Variants in ADRA1B observed in about 807,000 individuals in gnomAD.
ADRA1B encodes alpha-1B adrenergic receptor.
A neutral mutation model predicts 17.9 loss-of-function variants in ADRA1B; 17 were observed. That is an observed-to-expected ratio of 0.95 (90% confidence interval 0.65 to 1.42). The LOEUF (loss-of-function observed/expected upper bound fraction) is 1.42, where lower values mean the gene tolerates loss of function less well. Ranked by LOEUF, ADRA1B falls within the 40% of genes most tolerant of loss-of-function variation. The pLI is 0.00. For synonymous variants in ADRA1B, 366 were observed against 327.6 expected, an observed-to-expected ratio of 1.12 and a Z score of -1.27; for missense variants, 681 against 722.1, an observed-to-expected ratio of 0.94 and a Z score of 0.65.
intron 1 of ADRA1B, among the ~76,000 whole-genome samples, chr5:159,929,259 C>A (rs973883628): frequency 6.6e-6 from 1 of 152,060 alleles, no homozygotes; most frequent in Non-Finnish European, 1.5e-5. Flanking sequence ...AAATAAATAA[C>A]TACTATAATT....
chr5:159,900,120 C>T (rs1170412258), intron 1 of ADRA1B, among the ~76,000 whole-genome samples: 1 of 152,194 alleles, frequency 6.6e-6, no homozygotes, highest in South Asian at 2.1e-4. Context: ...GCCAGTAGTA[C>T]TGTTTCAACT....
chr5:159,883,309 G>T lies in ADRA1B; in HGVS notation c.-256+18103G>T, dbSNP rs1753883944. Among the ~76,000 whole-genome samples, 2 of 152,266 alleles carry T rather than the reference G, an allele frequency of 1.3e-5. 1 individual carries two copies. The highest frequency in any genetic ancestry group is 4.2e-4 in the South Asian group (2 of 4,816). Reference sequence around the variant, plus strand: ...TGATTCTTTTATTTGACTCACACATGTAATTTTTTTACCATGTTCCCTCTT... The same window carrying T: ...TGATTCTTTTATTTGACTCACACATTTAATTTTTTTACCATGTTCCCTCTT... On this transcript the variant is annotated intron_variant, in intron 1 of 2. Transcript: ENST00000641205.
At chr5:159,970,782 T>C (rs531810547) in intron 1 of ADRA1B, among the ~76,000 whole-genome samples, 94 of 152,326 alleles carry the variant, frequency 6.2e-4, no homozygotes, top group African/African-American at 2.2e-3. Context: ...GCCTATCAGG[T>C]ATGTCCCTTT....
intron 1 of ADRA1B, among the ~76,000 whole-genome samples, chr5:159,938,732 G>T: frequency 6.6e-6 from 1 of 152,204 alleles, no homozygotes; most frequent in East Asian, 1.9e-4. Context: ...CAACTAATAA[G>T]ACCCTAATTA....
intron 1 of ADRA1B, 67 bp downstream of exon 1, chr5:159,917,921 T>A: frequency 1.5e-6 from 2 of 1,363,758 alleles, no homozygotes; most frequent in Non-Finnish European, 1.0e-6. Flanking sequence ...ATGAGCTTAC[T>A]CTAAAGTTTT....
At chr5:159,943,253 A>T (rs1178601545) in intron 1 of ADRA1B, among the ~76,000 whole-genome samples, 1 of 152,122 alleles carries the variant, frequency 6.6e-6, no homozygotes, top group African/African-American at 2.4e-5. Context: ...AAAAATAAAT[A>T]AATTAGATCA....
chr5:159,895,120 G>A (rs779773066), intron 1 of ADRA1B, among the ~76,000 whole-genome samples: 2 of 152,178 alleles, frequency 1.3e-5, no homozygotes, highest in Non-Finnish European at 2.9e-5. Context: ...TACCACTTCA[G>A]CGCTATCTAT....
intron 1 of ADRA1B, among the ~76,000 whole-genome samples, chr5:159,933,994 C>T (rs1216539083): frequency 6.6e-6 from 1 of 152,226 alleles, no homozygotes; most frequent in Non-Finnish European, 1.5e-5. Flanking sequence ...CAGGGCATGG[C>T]AAATGCACCA....
intron 1 of ADRA1B, among the ~76,000 whole-genome samples, chr5:159,947,502 T>A (rs1755308640): frequency 6.6e-6 from 1 of 152,170 alleles, no homozygotes; most frequent in Admixed American, 6.5e-5. Context: ...CTATAGCATT[T>A]TTTTTCATTT....
the ADRA1B span, among the ~76,000 whole-genome samples, chr5:159,986,632 G>A: frequency 1.3e-5 from 2 of 152,132 alleles, no homozygotes; most frequent in African/African-American, 2.4e-5. Flanking sequence ...CCCGTCTAAC[G>A]GATTTAGCAG....
At chr5:159,968,437 C>T (rs573706380) in intron 1 of ADRA1B, among the ~76,000 whole-genome samples, 5 of 152,320 alleles carry the variant, frequency 3.3e-5, no homozygotes, top group South Asian at 2.1e-4. Flanking sequence ...TCACAACCAC[C>T]TTCAATGGGG....
At chr5:159,903,949 C>T (rs1168548883) in intron 1 of ADRA1B, among the ~76,000 whole-genome samples, 1 of 152,126 alleles carries the variant, frequency 6.6e-6, no homozygotes, top group Non-Finnish European at 1.5e-5. Flanking sequence ...GACCTGTACA[C>T]ACACACACCT....
chr5:159,870,819 C>T (rs1249882310), intron 1 of ADRA1B: 1 of 152,182 alleles, frequency 6.6e-6, no homozygotes, highest in East Asian at 1.9e-4. Context: ...TTGAAAATCC[C>T]TTATGAGAGA....
downstream of ADRA1B, among the ~76,000 whole-genome samples, chr5:159,973,914 T>C (rs527726214): frequency 6.6e-6 from 1 of 152,322 alleles, no homozygotes; most frequent in South Asian, 2.1e-4. Flanking sequence ...TCTTCAGAGA[T>C]GCAGAAAAGC....
downstream of ADRA1B, among the ~76,000 whole-genome samples, chr5:159,977,987 G>T (rs1755997578): frequency 6.6e-6 from 1 of 151,872 alleles, no homozygotes; most frequent in African/African-American, 2.4e-5. Flanking sequence ...TTCTCTGACT[G>T]TCCAGGTTAA....
At chr5:159,872,500 C>T (rs1405460664) in intron 1 of ADRA1B, among the ~76,000 whole-genome samples, 1 of 152,152 alleles carries the variant, frequency 6.6e-6, no homozygotes, top group Non-Finnish European at 1.5e-5. Flanking sequence ...ATTATTATCC[C>T]CATTTTACAG....
chr5:159,972,404 G>A lies in ADRA1B; in HGVS notation c.1475G>A (p.Ser492Asn). ...AGCCCCGGGACCGACGGCGGCGCCA[G>A]CAACGGAGGCTGCGAGGCCGCGGCC... ...PESPGTDGGA[S>N]NGGCEAAADV... is the part of the protein sequence containing the mutation. Residue 492 changes from serine (S) to asparagine (N), a missense_variant, in exon 2 of 2, where the codon AGC becomes AAC. Physicochemically the swap from Ser to Asn is conservative, Grantham distance 46 (BLOSUM62 1). Coordinates refer to ENST00000306675, the MANE Select transcript of ADRA1B (RefSeq NM_000679.4). The A allele has an allele frequency of 6.6e-7, 1 of 1,511,360 alleles. No homozygotes were observed. The highest frequency in any genetic ancestry group is 8.8e-7 in the Non-Finnish European group (1 of 1,135,824). The allele number at this position is 1,511,360 out of a possible 1,614,324, so 93.6% of individuals were successfully genotyped here.
At chr5:159,934,250 T>C (rs1754887978) in intron 1 of ADRA1B, among the ~76,000 whole-genome samples, 1 of 152,160 alleles carries the variant, frequency 6.6e-6, no homozygotes. Context: ...CTAGAGGTGT[T>C]GGAACCAGCA....
chr5:159,970,013 G>A (rs1443596454), intron 1 of ADRA1B, among the ~76,000 whole-genome samples: 1 of 151,886 alleles, frequency 6.6e-6, no homozygotes, highest in African/African-American at 2.4e-5. Flanking sequence ...TGTGACCTGG[G>A]GCAAGTCATT....
Sources: gnomAD v4.1 joint callset for allele counts (sites outside exome capture counted in the v4.1 genomes callset) on GRCh38, gnomAD v4.1.1 for gene constraint, MANE v1.5 for transcripts, NCBI Gene and HGNC (gene_info 2026-07-23, HGNC 2026-07-21) for gene names.